MEIKIN: variants seen among roughly 807,000 people sequenced by gnomAD.
MEIKIN encodes the protein meiosis-specific kinetochore protein.
At chr5:131,823,368 T>C (rs1001190933) in intron 11 of MEIKIN, among the ~76,000 whole-genome samples, 9 of 151,982 alleles carry the variant, frequency 5.9e-5, no homozygotes, top group African/African-American at 1.9e-4. Flanking sequence ...TAGGTGTGCT[T>C]CATTCTTTAT....
At chr5:131,842,644 T>C (rs1006490570) in intron 11 of MEIKIN, among the ~76,000 whole-genome samples, 3 of 152,222 alleles carry the variant, frequency 2.0e-5, no homozygotes, top group Non-Finnish European at 2.9e-5. Flanking sequence ...TATTTATCTT[T>C]TGTGTATTTA....
chr5:131,869,065 A>G (rs1438516886), intron 9 of MEIKIN, among the ~76,000 whole-genome samples: 1 of 152,188 alleles, frequency 6.6e-6, no homozygotes, highest in East Asian at 1.9e-4. Flanking sequence ...ACTCAAGGTC[A>G]CCTAGATTTT....
At chr5:131,811,286 A>G (rs866842192) in intron 12 of MEIKIN, among the ~76,000 whole-genome samples, 1 of 152,058 alleles carries the variant, frequency 6.6e-6, no homozygotes. Flanking sequence ...AACTAATATG[A>G]CAGGCCAAAA....
rs79958492 is a variant in MEIKIN, at chr5:131,884,841, C to T, written c.704-5793G>A. ...AGTCCCAGGCAGCATTTACCATAAG[C>T]TGACTGAAGAGCCCTTGGGCCTTAA... On this transcript the variant is annotated intron_variant, in intron 8 of 12. Coordinates refer to ENST00000442687, the MANE Select transcript of MEIKIN (RefSeq NM_001303622.2). Among the ~76,000 whole-genome samples, 779 of 152,156 alleles carry T rather than the reference C, an allele frequency of 5.1e-3. 4 individuals carry two copies. Among genetic ancestry groups the T allele is most frequent in the African/African-American group, 0.017 (714 of 41,516 alleles).
At chr5:131,880,157 T>C (rs1449646620) in intron 8 of MEIKIN, among the ~76,000 whole-genome samples, 2 of 151,928 alleles carry the variant, frequency 1.3e-5, no homozygotes, top group Admixed American at 6.6e-5. Context: ...TGGCGCGATC[T>C]AGGCTCACTG....
intron 5 of MEIKIN, among the ~76,000 whole-genome samples, chr5:131,928,236 T>C (rs972444571): frequency 5.4e-4 from 83 of 152,310 alleles, no homozygotes; most frequent in Non-Finnish European, 1.0e-3. Context: ...CTCTGTGTTT[T>C]GATTGGGAAG....
chr5:131,887,357 G>A (rs978902116), intron 8 of MEIKIN, among the ~76,000 whole-genome samples: 2 of 152,200 alleles, frequency 1.3e-5, no homozygotes, highest in African/African-American at 4.8e-5. Context: ...TATATACCCA[G>A]TAAGGGGACC....
chr5:131,823,384 C>A (rs1012186694), intron 11 of MEIKIN, among the ~76,000 whole-genome samples: 4 of 151,314 alleles, frequency 2.6e-5, no homozygotes, highest in African/African-American at 9.8e-5. Flanking sequence ...TTTATTCTTT[C>A]TTCTTTTGTC....
At chr5:131,927,346 T>A (rs1751603508) in intron 5 of MEIKIN, among the ~76,000 whole-genome samples, 1 of 152,246 alleles carries the variant, frequency 6.6e-6, no homozygotes, top group South Asian at 2.1e-4. Flanking sequence ...TGGTATGTTT[T>A]CAGTCTTCCA....
intron 9 of MEIKIN, among the ~76,000 whole-genome samples, chr5:131,866,893 C>A (rs1750394103): frequency 6.6e-6 from 1 of 152,104 alleles, no homozygotes; most frequent in South Asian, 2.1e-4. Flanking sequence ...ATTCTAGTTG[C>A]CTATTGAGTT....
intron 5 of MEIKIN, among the ~76,000 whole-genome samples, chr5:131,923,107 C>G (rs2149648384): frequency 6.6e-6 from 1 of 152,312 alleles, no homozygotes; most frequent in South Asian, 2.1e-4. Context: ...AGGCTTGTCT[C>G]AAACTCCTGA....
chr5:131,832,153 T>C (rs1243456773), intron 11 of MEIKIN, among the ~76,000 whole-genome samples: 1 of 152,100 alleles, frequency 6.6e-6, no homozygotes, highest in Non-Finnish European at 1.5e-5. Context: ...CCTATGAGCC[T>C]CTAAAATCAA....
At chr5:131,894,799 C>G (rs1375364305) in intron 8 of MEIKIN, among the ~76,000 whole-genome samples, 2 of 152,166 alleles carry the variant, frequency 1.3e-5, no homozygotes, top group Admixed American at 6.5e-5. Context: ...GAGATTTTGG[C>G]CTGTGACGAT....
intron 9 of MEIKIN, among the ~76,000 whole-genome samples, chr5:131,866,430 G>T (rs944123390): frequency 2.4e-4 from 37 of 152,308 alleles, no homozygotes; most frequent in African/African-American, 8.4e-4. Flanking sequence ...TGGCATGCAG[G>T]GGCAGAATGA....
intron 12 of MEIKIN, among the ~76,000 whole-genome samples, chr5:131,812,281 AT>A (rs1452859842): frequency 1.3e-5 from 2 of 152,358 alleles, no homozygotes; most frequent in Admixed American, 1.3e-4. Flanking sequence ...ACTTGAATGA[AT>A]GAATATACCA....
At chr5:131,844,178 C>T (rs1246185562) in intron 11 of MEIKIN, among the ~76,000 whole-genome samples, 2 of 152,128 alleles carry the variant, frequency 1.3e-5, no homozygotes, top group African/African-American at 4.8e-5. Flanking sequence ...CCCCATGATT[C>T]AATCACCTCC....
At chr5:131,830,656 C>T (rs920826173) in intron 11 of MEIKIN, among the ~76,000 whole-genome samples, 4 of 152,164 alleles carry the variant, frequency 2.6e-5, no homozygotes, top group African/African-American at 7.2e-5. Flanking sequence ...CTGGCAATGA[C>T]AATTGGTCCA....
chr5:131,945,414 GC>G lies in MEIKIN; in HGVS notation c.91del (p.Ala31ProfsTer40). The G allele has an allele frequency of 2.5e-6, 1 of 399,224 alleles. No individual in the cohort carries two copies. The highest frequency in any genetic ancestry group is 4.4e-6 in the Non-Finnish European group (1 of 226,176). The allele number at this position is 399,224 out of a possible 1,614,324, so 24.7% of individuals were successfully genotyped here. A position where few individuals can be genotyped will look rare whatever the true frequency, so the allele number is the denominator to read the frequency against. Reference sequence around the variant, plus strand: ...TGAGCCTGTACCTGGCGGGGCCTCGGCCTTCGCTGGAGAGCCTAGGTCTGGC... The same window carrying G: ...TGAGCCTGTACCTGGCGGGGCCTCGGCTTCGCTGGAGAGCCTAGGTCTGGC... ...PTPDLGSPAKAEAPPGSKRKG... is the reference protein window; with the variant it reads ...PTPDLGSPAKXEAPPGSKRKG... On this transcript the variant is annotated frameshift_variant, in exon 1 of 13. Transcript: ENST00000442687. LOFTEE classifies it high-confidence loss of function.
intron 4 of MEIKIN, among the ~76,000 whole-genome samples, chr5:131,936,862 C>T (rs1352923885): frequency 9.9e-5 from 15 of 152,138 alleles, no homozygotes; most frequent in Admixed American, 6.5e-5. Flanking sequence ...TGAACCACAG[C>T]GCCCGGCCTT....
Sources: gnomAD v4.1 joint callset for allele counts (sites outside exome capture counted in the v4.1 genomes callset) on GRCh38, gnomAD v4.1.1 for gene constraint, MANE v1.5 for transcripts, NCBI Gene and HGNC (gene_info 2026-07-23, HGNC 2026-07-21) for gene names.